The following NBR1 variants were observed in gnomAD, a reference collection of about 807,000 sequenced individuals.
The protein encoded by NBR1 is NBR1 autophagy cargo receptor, also known as next to BRCA1 gene 1 protein.
A neutral mutation model predicts 115.5 loss-of-function variants in NBR1; 59 were observed. The observed-to-expected ratio is 0.51, with a 90% CI of 0.41 to 0.63. The LOEUF (loss-of-function observed/expected upper bound fraction) is 0.63. Ranked by LOEUF, NBR1 falls within the 30% of genes least tolerant of loss-of-function variation. The probability of loss-of-function intolerance (pLI) is 0.00; values close to 1 mark genes in which losing one functional copy is unlikely to be tolerated. For missense variants in NBR1, 1,043 were observed against 1,150.5 expected, an observed-to-expected ratio of 0.91 and a Z score of 1.35; for synonymous variants, 373 against 414.7, an observed-to-expected ratio of 0.90 and a Z score of 1.22.
At position 43,200,562 on chromosome 17, in the gene NBR1, G is replaced by C; in HGVS notation, c.2422G>C (p.Val808Leu). The change falls in exon 17 of 21, where the codon GTG (valine) becomes CTG (leucine). Residue 808 changes from valine to leucine, a missense_variant. Val to Leu is a conservative substitution (Grantham distance 32). Coordinates refer to ENST00000590996, the MANE Select transcript of NBR1 (RefSeq NM_005899.5). ...ILTTSQTLET[V>L]PLIPEVVELP... The stretch of plus-strand genomic sequence containing the variant: ...CACGACCTCACAGACTCTGGAAACA[G>C]TGCCCCTAATCCCAGAGGTAGTGGA... The C allele has an allele frequency of 6.2e-7, 1 of 1,613,186 alleles. No homozygotes were observed. Among genetic ancestry groups the C allele is most frequent in the Non-Finnish European group, 8.5e-7 (1 of 1,179,310 alleles).
intron 1 of NBR1, among the ~76,000 whole-genome samples, chr17:43,175,161 C>T (rs779436156): frequency 3.9e-5 from 6 of 152,124 alleles, no homozygotes; most frequent in Non-Finnish European, 4.4e-5. Context: ...AACATAGTAA[C>T]TTGGATGGAG....
intron 5 of NBR1, among the ~76,000 whole-genome samples, chr17:43,183,525 G>A (rs1054357838): frequency 6.7e-6 from 1 of 148,882 alleles, no homozygotes; most frequent in African/African-American, 2.6e-5. Flanking sequence ...AGCGACACGT[G>A]TGTCATTCTG....
At chr17:43,193,295 T>C in intron 11 of NBR1, 42 bp downstream of exon 11, 2 of 1,613,114 alleles carry the variant, frequency 1.2e-6, no homozygotes, top group Non-Finnish European at 1.7e-6. Context: ...TGATTTGAAG[T>C]GGCAGAGTGC....
intron 10 of NBR1, among the ~76,000 whole-genome samples, chr17:43,192,668 C>T (rs2056976969): frequency 6.6e-6 from 1 of 152,130 alleles, no homozygotes; most frequent in South Asian, 2.1e-4. Context: ...CGCGCCTGGC[C>T]AAGTTTCGTA....
chr17:43,193,018 C>G, intron 10 of NBR1, 76 bp from the exon 11 acceptor site: 3 of 1,442,600 alleles, frequency 2.1e-6, no homozygotes, highest in Non-Finnish European at 2.9e-6. Context: ...CACAGTCAGA[C>G]TCTCAAGCTA....
Position 43,175,784 on chromosome 17 carries a change from A to G in NBR1, c.-9-7A>G, listed in dbSNP as rs1157890707. On this transcript the variant is annotated splice_polypyrimidine_tract_variant and splice_region_variant and intron_variant, in intron 1 of 20. Transcript: ENST00000590996. ...TCTCTCTCTCCCACCAACCTTCTCA[A>G]CCCTAGCCTCACAGCATGGAACCAC... 1.4e-6 allele frequency: 2 copies of G among 1,415,880 alleles called. No homozygotes were observed. Among genetic ancestry groups the G allele is most frequent in the Admixed American group, 3.7e-5 (2 of 54,622 alleles). 87.7% of individuals were successfully genotyped at this position (1,415,880 alleles called of 1,614,324 possible). A position where few individuals can be genotyped will look rare whatever the true frequency, so the allele number is the denominator to read the frequency against.
rs767862872 is a variant in NBR1 at position 43,189,790 on chromosome 17, G to A, written c.683G>A (p.Arg228His). The change falls in exon 8 of 21, where the codon CGC becomes CAC. Residue 228 changes from arginine (R) to histidine (H), a missense_variant. Coordinates refer to ENST00000590996, the MANE Select transcript of NBR1 (RefSeq NM_005899.5). ...TGCCAAAGAAGGATTGTTGGTGTCC[G>A]CTACCAGTGTAGGTAAGCAGTTGCT... ...NNCQRRIVGV[R>H]YQCSLCPSYN... 5 of 1,613,430 alleles carry A rather than the reference G, an allele frequency of 3.1e-6. No individual in the cohort carries two copies. Among genetic ancestry groups the A allele is most frequent in the African/African-American group, 1.3e-5 (1 of 74,904 alleles).
intron 8 of NBR1, 94 bp downstream of exon 8, chr17:43,189,896 CCT>C: frequency 1.9e-6 from 2 of 1,067,406 alleles, no homozygotes; most frequent in South Asian, 2.7e-5. Flanking sequence ...TTAATTGTAC[CCT>C]GTTTCTGAGC....
At chr17:43,173,637 A>T (rs2056432899) in intron 1 of NBR1, among the ~76,000 whole-genome samples, 1 of 152,158 alleles carries the variant, frequency 6.6e-6, no homozygotes, top group Admixed American at 6.6e-5. Context: ...ACTTGCGTAC[A>T]CATTTTTAAT....
In NBR1 at chr17:43,196,477, C is replaced by G. The variant is rs201623018; in HGVS notation, c.1751-4C>G. The G allele has an allele frequency of 5.5e-5, 85 of 1,543,960 alleles. No individual in the cohort carries two copies. Among genetic ancestry groups the G allele is most frequent in the Admixed American group, 4.8e-4 (23 of 47,644 alleles). ...TTGATGGTTCTCCTGTCTTCATTCT[C>G]CAGATGTGACTCCCTGCATGTCTCC... On this transcript the variant is annotated splice_region_variant and splice_polypyrimidine_tract_variant and intron_variant, in intron 14 of 20. Transcript: ENST00000590996.
chr17:43,204,832 G>A (rs1418043023), intron 20 of NBR1, among the ~76,000 whole-genome samples: 1 of 66,848 alleles, frequency 1.5e-5, no homozygotes, highest in Non-Finnish European at 3.6e-5. Flanking sequence ...AAAAAAAAAA[G>A]TATGATGGCA....
intron 2 of NBR1, among the ~76,000 whole-genome samples, chr17:43,177,715 T>C (rs1466095935): frequency 6.6e-6 from 1 of 152,116 alleles, no homozygotes; most frequent in East Asian, 1.9e-4. Context: ...ATTTGTTAGG[T>C]GTTCTGATTT....
intron 1 of NBR1, among the ~76,000 whole-genome samples, chr17:43,172,213 C>G (rs763113291): frequency 6.6e-6 from 1 of 152,176 alleles, no homozygotes. Flanking sequence ...TAGGGTTAAC[C>G]ATAGCTTTGG....
At chr17:43,206,976 A>G (rs1356986198) in intron 20 of NBR1, among the ~76,000 whole-genome samples, 2 of 151,924 alleles carry the variant, frequency 1.3e-5, no homozygotes, top group Non-Finnish European at 2.9e-5. Context: ...TAGGTGGGAG[A>G]ATAGCTTGAG....
intron 2 of NBR1, among the ~76,000 whole-genome samples, chr17:43,177,620 C>CACACACACACACACACACACACAG (rs1330894405): frequency 2.1e-5 from 3 of 141,570 alleles, no homozygotes; most frequent in African/African-American, 5.1e-5. Context: ...CACACACACA[C>CACACACACACACACACACACACAG]AGTTTGGTAT....
At position 43,200,261 on chromosome 17, in the gene NBR1, T is replaced by G. The variant is rs145416378; in HGVS notation, c.2121T>G (p.Asp707Glu). Residue 707 changes from aspartate (D) to glutamate (E), a missense_variant, in exon 17 of 21, where the codon GAT becomes GAG. Physicochemically the swap from Asp to Glu is conservative, Grantham distance 45. Transcript: ENST00000590996. ...AAGCTGTCATGGAGGAGGAGGAGGA[T>G]GAGGAGGATGAGGAGGAGGAGGATG... ...EEEAVMEEEEDEEDEEEEDEL... is the reference protein window; with the variant it reads ...EEEAVMEEEEEEEDEEEEDEL... 2.7e-3 allele frequency: 4,254 copies of G among 1,549,004 alleles called. 7 individuals are homozygous for G. The highest frequency in any genetic ancestry group is 7.8e-3 in the African/African-American group (570 of 72,988).
At chr17:43,187,706 C>T (rs2056850481) in intron 6 of NBR1, among the ~76,000 whole-genome samples, 1 of 149,974 alleles carries the variant, frequency 6.7e-6, no homozygotes, top group Admixed American at 6.7e-5. Flanking sequence ...GACAGGGTTT[C>T]AGTATGTTGG....
At chr17:43,201,845 T>A (rs1339339679) in intron 18 of NBR1, 65 bp downstream of exon 18, 3 of 924,566 alleles carry the variant, frequency 3.2e-6, no homozygotes, top group Non-Finnish European at 5.2e-6. Context: ...CAGGTATAAA[T>A]AGCCTCTCTC....
chr17:43,178,904 CCT>C (rs1352661239), intron 3 of NBR1, among the ~76,000 whole-genome samples: 3 of 151,716 alleles, frequency 2.0e-5, no homozygotes, highest in African/African-American at 2.4e-5. Flanking sequence ...CTAGGACATA[CCT>C]CTCTGCATCT....
Sources: allele counts gnomAD v4.1 joint callset (sites outside exome capture counted in the v4.1 genomes callset), GRCh38; gene constraint gnomAD v4.1.1; transcripts MANE v1.5; gene names NCBI Gene and HGNC (gene_info 2026-07-23, HGNC 2026-07-21).